Variants in SGCD observed in about 807,000 individuals in gnomAD.
The protein encoded by SGCD is sarcoglycan delta, also known as delta-sarcoglycan.
Under a neutral mutation model 36.6 loss-of-function variants are expected in SGCD, and 18 were observed. The ratio of observed to expected loss-of-function variants is 0.49; its 90% confidence interval spans 0.34 to 0.73. The LOEUF (loss-of-function observed/expected upper bound fraction) is 0.73, where lower values mean the gene tolerates loss of function less well. SGCD is among the 30% of genes least tolerant of loss of function. SGCD has a pLI of 0.01. For missense variants in SGCD, 387 were observed against 346.7 expected (o/e 1.12, Z -0.92); for synonymous variants, 133 against 130.6 (o/e 1.02, Z -0.12).
At position 156,307,393 on chromosome 5, in the gene SGCD, T is replaced by A. The variant is rs111372790; in HGVS notation, c.-43-22141T>A. 6.1e-3 allele frequency among the ~76,000 whole-genome samples: 933 copies of A among 152,284 alleles called. 8 individuals carry two copies. Among genetic ancestry groups the A allele is most frequent in the African/African-American group, 0.022 (894 of 41,548 alleles). ...TATTTGTGTCTTTGAATGTCAAATG[T>A]GTAAATCAGACAGCATAACATTAGA... is the stretch of plus-strand genomic sequence containing the variant. On this transcript the variant is annotated intron_variant, in intron 3 of 9. Coordinates refer to the SGCD transcript ENST00000517913.
intron 1 of SGCD, among the ~76,000 whole-genome samples, chr5:156,076,929 C>T (rs540024233): frequency 6.6e-6 from 1 of 152,282 alleles, no homozygotes; most frequent in South Asian, 2.1e-4. Flanking sequence ...TTGTTGTTCA[C>T]CATGGCCTTA....
chr5:155,899,997 A>T (rs1214241269), intron 1 of SGCD, among the ~76,000 whole-genome samples: 2 of 152,216 alleles, frequency 1.3e-5, no homozygotes, highest in Non-Finnish European at 2.9e-5. Context: ...TTTATTGTTA[A>T]CCTTTTACTA....
At chr5:156,075,204 G>A (rs987375868) in intron 1 of SGCD, among the ~76,000 whole-genome samples, 3 of 148,668 alleles carry the variant, frequency 2.0e-5, no homozygotes, top group African/African-American at 4.9e-5. Flanking sequence ...AAAAAAAAAT[G>A]CAGAAAGTGA....
chr5:155,858,742 A>T, the SGCD span, among the ~76,000 whole-genome samples: 102 of 152,290 alleles, frequency 6.7e-4, 1 homozygote, highest in South Asian at 4.6e-3. Context: ...GTCGATTAGA[A>T]CCTGATTCAA....
chr5:155,818,085 T>C, the SGCD span, among the ~76,000 whole-genome samples: 1 of 152,088 alleles, frequency 6.6e-6, no homozygotes, highest in Admixed American at 6.5e-5. Context: ...AATACTAAAG[T>C]GAGCCAGGTT....
At chr5:156,681,613 C>T (rs157571) in intron 7 of SGCD, among the ~76,000 whole-genome samples, 4,301 of 152,222 alleles carry the variant, frequency 0.028, 186 homozygotes, top group East Asian at 0.17. Flanking sequence ...AAAATGTCAA[C>T]AGGGTATTTG....
intron 3 of SGCD, among the ~76,000 whole-genome samples, chr5:156,278,823 G>A (rs1229063384): frequency 1.3e-5 from 2 of 152,090 alleles, no homozygotes; most frequent in East Asian, 1.9e-4. Context: ...TCCTTCCATG[G>A]TCTCTTTTGC....
chr5:156,451,357 G>T (rs1754005232), intron 3 of SGCD, among the ~76,000 whole-genome samples: 1 of 152,130 alleles, frequency 6.6e-6, no homozygotes, highest in Non-Finnish European at 1.5e-5. Flanking sequence ...AAGCAGGAAG[G>T]TCCCTGTGGT....
intron 3 of SGCD, among the ~76,000 whole-genome samples, chr5:156,189,529 T>C (rs928780126): frequency 7.2e-5 from 11 of 152,108 alleles, no homozygotes; most frequent in Non-Finnish European, 1.5e-4. Context: ...ATAATCTCTT[T>C]TGTAAAAAGC....
the SGCD span, among the ~76,000 whole-genome samples, chr5:155,787,658 C>G: frequency 6.6e-6 from 1 of 152,140 alleles, no homozygotes; most frequent in Admixed American, 6.5e-5. Context: ...TATGTCCTGT[C>G]TGTTGTAACG....
chr5:156,067,649 C>CGGTCTGTGCGCCG (rs1475438975), intron 1 of SGCD, among the ~76,000 whole-genome samples: 19 of 112,194 alleles, frequency 1.7e-4, no homozygotes, highest in Admixed American at 1.3e-3. Context: ...CGTGGTGCGC[C>CGGTCTGTGCGCCG]GTTTCTTAAG....
intron 4 of SGCD, among the ~76,000 whole-genome samples, chr5:156,523,057 A>G (rs1485407143): frequency 2.0e-5 from 3 of 152,188 alleles, no homozygotes; most frequent in Non-Finnish European, 2.9e-5. Context: ...AATTACCAAG[A>G]CATATCTAGG....
At chr5:155,867,154 G>T (rs769933355), upstream of SGCD, among the ~76,000 whole-genome samples, 8 of 152,238 alleles carry the variant, frequency 5.3e-5, no homozygotes, top group Non-Finnish European at 1.0e-4. Context: ...ATCACAAGAT[G>T]ATGAAATTTA....
intron 3 of SGCD, among the ~76,000 whole-genome samples, chr5:156,413,454 A>G (rs991676498): frequency 6.6e-6 from 1 of 152,222 alleles, no homozygotes; most frequent in South Asian, 2.1e-4. Flanking sequence ...GGCCAAATGC[A>G]GGATGAATGG....
intron 3 of SGCD, among the ~76,000 whole-genome samples, chr5:156,290,691 A>G (rs1468444922): frequency 6.6e-6 from 1 of 152,200 alleles, no homozygotes; most frequent in East Asian, 1.9e-4. Context: ...TTTTGCAGAA[A>G]TTAAATTCTT....
rs1760626544 is a variant in SGCD, at chr5:156,589,287, C to T, written c.351C>T (p.Asp117=). ...ARNVTVNILN[D]QTKVLTQLIT... is the part of the protein sequence containing the mutation. ...ATGTTACAGTGAACATTCTCAATGA[C>T]CAGACTAAAGTGCTAACTCAGCTTA... Residue 117 remains aspartate (D), a synonymous_variant, in exon 5 of 9, where the codon GAC becomes GAT. Coordinates refer to ENST00000337851, the MANE Select transcript of SGCD (RefSeq NM_000337.6). The T allele has an allele frequency of 1.3e-6, 2 of 1,574,314 alleles. No individual in the cohort carries two copies. The highest frequency in any genetic ancestry group is 1.7e-6 in the Non-Finnish European group (2 of 1,158,080).
At chr5:156,039,464 G>A (rs546720658) in intron 1 of SGCD, among the ~76,000 whole-genome samples, 134 of 150,242 alleles carry the variant, frequency 8.9e-4, no homozygotes, top group South Asian at 5.2e-3. Context: ...TTGCATGATG[G>A]TATCTAAGCA....
chr5:156,556,129 A>AG (rs1366019882), intron 4 of SGCD, among the ~76,000 whole-genome samples: 1 of 151,732 alleles, frequency 6.6e-6, no homozygotes, highest in Non-Finnish European at 1.5e-5. Context: ...AGAAAAAAAA[A>AG]AAAAAACCCA....
At chr5:156,348,998 G>C (rs2135040) in intron 3 of SGCD, among the ~76,000 whole-genome samples, 1 of 151,650 alleles carries the variant, frequency 6.6e-6, no homozygotes, top group Non-Finnish European at 1.5e-5. Context: ...ACATAAATTG[G>C]AGAAAGGACA....
Sources: gnomAD v4.1 joint callset for allele counts (sites outside exome capture counted in the v4.1 genomes callset) on GRCh38, gnomAD v4.1.1 for gene constraint, MANE v1.5 for transcripts, NCBI Gene and HGNC (gene_info 2026-07-23, HGNC 2026-07-21) for gene names.